Variants in ZNF385B observed in about 807,000 individuals in gnomAD.
The protein encoded by ZNF385B is zinc finger protein 533.
Under a neutral mutation model 39.2 loss-of-function variants are expected in ZNF385B, and 23 were observed. That is an observed-to-expected ratio of 0.59 (90% CI 0.42 to 0.83). The LOEUF (loss-of-function observed/expected upper bound fraction) is 0.83. Among genes scored for constraint, ZNF385B ranks in the 40% least tolerant of loss-of-function variants. The pLI, the probability that ZNF385B is intolerant of heterozygous loss-of-function variation, is 0.00. For synonymous variants in ZNF385B, 205 were observed against 222.6 expected (o/e 0.92, Z 0.70); for missense variants, 552 against 598.9 (o/e 0.92, Z 0.82).
chr2:179,508,271 G>A (rs986679173), intron 5 of ZNF385B, among the ~76,000 whole-genome samples: 1 of 152,190 alleles, frequency 6.6e-6, no homozygotes, highest in African/African-American at 2.4e-5. Context: ...GTTCAGTCTA[G>A]CAATTCTACC....
chr2:179,596,252 C>A (rs938988355), intron 3 of ZNF385B, among the ~76,000 whole-genome samples: 4 of 152,150 alleles, frequency 2.6e-5, no homozygotes, highest in Non-Finnish European at 5.9e-5. Flanking sequence ...GCTCTCAATT[C>A]TTTCCCCTGG....
intron 3 of ZNF385B, among the ~76,000 whole-genome samples, chr2:179,676,452 C>G (rs1696827387): frequency 6.6e-6 from 1 of 152,084 alleles, no homozygotes; most frequent in African/African-American, 2.4e-5. Context: ...TCTCGATCTC[C>G]TGACCTCGTA....
chr2:179,808,162 A>C (rs1706502917), intron 1 of ZNF385B, among the ~76,000 whole-genome samples: 1 of 151,812 alleles, frequency 6.6e-6, no homozygotes, highest in Non-Finnish European at 1.5e-5. Flanking sequence ...CCTCCCCAGC[A>C]GCTGGGACTA....
intron 4 of ZNF385B, chr2:179,534,708 T>G (rs2059452117): frequency 6.6e-6 from 1 of 152,148 alleles, no homozygotes; most frequent in Admixed American, 6.6e-5. Context: ...ATCACCTACC[T>G]TGTTCTCCCC....
At position 179,704,711 on chromosome 2, in the gene ZNF385B, C is replaced by T. The variant is rs116730995; in HGVS notation, c.298+64792G>A. Among the ~76,000 whole-genome samples the T allele has an allele frequency of 6.9e-3, 1,055 of 152,284 alleles. 13 individuals carry two copies. The highest frequency in any genetic ancestry group is 0.024 in the African/African-American group (1,011 of 41,558). Reference sequence around the variant, plus strand: ...CAGGGCCAAAGGTACTCTGAAGATGCCAAAGTTTCTTCTCCACCAGGATCT... The same window carrying T: ...CAGGGCCAAAGGTACTCTGAAGATGTCAAAGTTTCTTCTCCACCAGGATCT... On this transcript the variant is annotated intron_variant, in intron 3 of 9. Coordinates refer to ENST00000410066, the MANE Select transcript of ZNF385B (RefSeq NM_152520.6).
chr2:179,596,126 G>T (rs1574937862), intron 3 of ZNF385B, among the ~76,000 whole-genome samples: 1 of 152,056 alleles, frequency 6.6e-6, no homozygotes, highest in Non-Finnish European at 1.5e-5. Flanking sequence ...TCAGTGGCTT[G>T]GAACAATACC....
intron 5 of ZNF385B, among the ~76,000 whole-genome samples, chr2:179,493,680 C>T (rs559347160): frequency 0.18 from 17,241 of 95,626 alleles, 2,454 homozygotes; most frequent in East Asian, 0.22. Flanking sequence ...TATGCATATA[C>T]ATATACACAT....
At chr2:179,723,653 T>C (rs1252105468) in intron 3 of ZNF385B, among the ~76,000 whole-genome samples, 1 of 152,056 alleles carries the variant, frequency 6.6e-6, no homozygotes, top group Non-Finnish European at 1.5e-5. Context: ...AAGAGAATAA[T>C]TAACACACAA....
At chr2:179,796,062 A>T (rs889352433) in intron 1 of ZNF385B, 2 of 152,178 alleles carry the variant, frequency 1.3e-5, no homozygotes, top group Admixed American at 1.3e-4. Context: ...ACCCACAAAA[A>T]AAGGTGGGGA....
At chr2:179,770,711 A>C (rs1175366705) in intron 1 of ZNF385B, 39 bp from the exon 2 acceptor site, 1 of 152,242 alleles carries the variant, frequency 6.6e-6, no homozygotes, top group Non-Finnish European at 1.5e-5. Context: ...GTAAACTGGT[A>C]ATTGAAAAGG....
intron 3 of ZNF385B, among the ~76,000 whole-genome samples, chr2:179,620,232 C>T (rs1286731064): frequency 2.0e-5 from 3 of 152,144 alleles, no homozygotes; most frequent in African/African-American, 7.2e-5. Flanking sequence ...TGAGGCTTCC[C>T]CTGATTGCAA....
chr2:179,448,590 C>T (rs897668412), intron 6 of ZNF385B, among the ~76,000 whole-genome samples: 3 of 152,118 alleles, frequency 2.0e-5, no homozygotes, highest in African/African-American at 7.2e-5. Context: ...AGTGCTATCA[C>T]TTACATTGTC....
rs186314563 is a variant in ZNF385B at position 179,711,478 on chromosome 2, T to C, written c.298+58025A>G. Among the ~76,000 whole-genome samples, 371 of 152,302 alleles carry C rather than the reference T, an allele frequency of 2.4e-3. 2 individuals carry two copies. Among genetic ancestry groups the C allele is most frequent in the Non-Finnish European group, 3.4e-3 (228 of 68,022 alleles). On this transcript the variant is annotated intron_variant, in intron 3 of 9. Transcript: ENST00000410066. Reference sequence around the variant, plus strand: ...CATTCGAGGGTATGCTGGGGTGGAATGTACGGCAGATGTACCTGATAGCAA... The same window carrying C: ...CATTCGAGGGTATGCTGGGGTGGAACGTACGGCAGATGTACCTGATAGCAA...
intron 6 of ZNF385B, among the ~76,000 whole-genome samples, chr2:179,450,791 A>G (rs951017301): frequency 2.6e-5 from 4 of 152,162 alleles, no homozygotes; most frequent in African/African-American, 9.7e-5. Flanking sequence ...CTATAAAGAC[A>G]TATGCACATG....
intron 3 of ZNF385B, among the ~76,000 whole-genome samples, chr2:179,719,509 A>G (rs1168873709): frequency 6.6e-6 from 1 of 152,236 alleles, no homozygotes; most frequent in Non-Finnish European, 1.5e-5. Flanking sequence ...CTAGCTTACT[A>G]ACATCTGAGC....
intron 3 of ZNF385B, among the ~76,000 whole-genome samples, chr2:179,652,547 T>C (rs112038656): frequency 1.7e-3 from 260 of 152,292 alleles, no homozygotes; most frequent in African/African-American, 5.9e-3. Context: ...TTGGGTGTTA[T>C]GGTTATTACC....
chr2:179,793,793 A>G (rs1440636252), intron 1 of ZNF385B, among the ~76,000 whole-genome samples: 2 of 152,212 alleles, frequency 1.3e-5, no homozygotes, highest in African/African-American at 4.8e-5. Flanking sequence ...ATACAGGTAA[A>G]AAGAAAAGAT....
intron 3 of ZNF385B, among the ~76,000 whole-genome samples, chr2:179,572,614 G>T (rs1328252598): frequency 6.6e-6 from 1 of 152,130 alleles, no homozygotes; most frequent in African/African-American, 2.4e-5. Flanking sequence ...ATATCCAATG[G>T]ACTATTCAGC....
At chr2:179,717,935 T>C (rs1174430744) in intron 3 of ZNF385B, among the ~76,000 whole-genome samples, 4 of 152,210 alleles carry the variant, frequency 2.6e-5, no homozygotes, top group African/African-American at 7.2e-5. Context: ...TGCATAAATG[T>C]ATCAGAATCC....
Sources: allele counts gnomAD v4.1 joint callset (sites outside exome capture counted in the v4.1 genomes callset), GRCh38; gene constraint gnomAD v4.1.1; transcripts MANE v1.5; gene names NCBI Gene and HGNC (gene_info 2026-07-23, HGNC 2026-07-21).